AP2A2: variants seen among roughly 807,000 people sequenced by gnomAD.
AP2A2 encodes adaptor related protein complex 2 subunit alpha 2.
A neutral mutation model predicts 104.2 loss-of-function variants in AP2A2; 32 were observed. The observed-to-expected ratio is 0.31, with a 90% confidence interval of 0.23 to 0.41. AP2A2 has a LOEUF of 0.41. Ranked by LOEUF, AP2A2 falls within the 10% of genes least tolerant of loss-of-function variation. AP2A2 has a pLI of 1.00. For synonymous variants in AP2A2, 539 were observed against 533.3 expected (o/e 1.01, Z -0.15); for missense variants, 912 against 1,261.0 (o/e 0.72, Z 4.19).
chr11:966,427 G>T (rs1032017089), intron 2 of AP2A2, among the ~76,000 whole-genome samples: 3 of 152,220 alleles, frequency 2.0e-5, no homozygotes, highest in Non-Finnish European at 4.4e-5. Context: ...GAGCCTAGGA[G>T]GTTGAGGCTG....
At chr11:983,305 A>C (rs759758119) in intron 6 of AP2A2, among the ~76,000 whole-genome samples, 1 of 151,906 alleles carries the variant, frequency 6.6e-6, no homozygotes, top group African/African-American at 2.4e-5. Context: ...CATTATAGGC[A>C]TGAGACACCG....
At chr11:956,154 C>G (rs1224565669) in intron 1 of AP2A2, among the ~76,000 whole-genome samples, 1 of 152,122 alleles carries the variant, frequency 6.6e-6, no homozygotes, top group African/African-American at 2.4e-5. Flanking sequence ...AGCCCAAATA[C>G]CGTAGTGAGA....
chr11:948,337 T>C (rs1404461230), intron 1 of AP2A2: 1 of 152,218 alleles, frequency 6.6e-6, no homozygotes, highest in African/African-American at 2.4e-5. Flanking sequence ...TGTAACAAAA[T>C]ATTAGATAAC....
chr11:963,658 T>C (rs1854515620), intron 2 of AP2A2, among the ~76,000 whole-genome samples: 1 of 152,150 alleles, frequency 6.6e-6, no homozygotes, highest in South Asian at 2.1e-4. Flanking sequence ...AGACAAGATC[T>C]TGCTCTGTTG....
chr11:986,207 C>T (rs1007437792), intron 8 of AP2A2, among the ~76,000 whole-genome samples: 3 of 152,248 alleles, frequency 2.0e-5, no homozygotes, highest in Non-Finnish European at 4.4e-5. Flanking sequence ...TGTGGGCAGA[C>T]GCTCTCTACA....
chr11:956,603 A>G (rs562595096), intron 1 of AP2A2, among the ~76,000 whole-genome samples: 5 of 152,334 alleles, frequency 3.3e-5, no homozygotes, highest in African/African-American at 1.2e-4. Flanking sequence ...TTTAAGCCTC[A>G]GTTTTCACAG....
At chr11:984,007 C>G (rs184817891) in intron 6 of AP2A2, among the ~76,000 whole-genome samples, 12 of 152,298 alleles carry the variant, frequency 7.9e-5, no homozygotes, top group African/African-American at 2.9e-4. Context: ...AATGGGTTCA[C>G]TTACGGCCTA....
In AP2A2 at chr11:983,561, T is replaced by C. The variant is rs572755816; in HGVS notation, c.706-1084T>C. 4.6e-3 allele frequency among the ~76,000 whole-genome samples: 702 copies of C among 151,986 alleles called. 4 individuals carry two copies. The highest frequency in any genetic ancestry group is 0.016 in the African/African-American group (677 of 41,420). ...CCATGCCTGGCTAATTTTTTGTATT[T>C]TTTAGTAGAGATGGGGTTTCACTGT... On this transcript the variant is annotated intron_variant, in intron 6 of 21. Transcript: ENST00000448903.
intron 1 of AP2A2, among the ~76,000 whole-genome samples, chr11:951,031 G>C (rs1305674553): frequency 6.6e-6 from 1 of 151,856 alleles, no homozygotes; most frequent in Non-Finnish European, 1.5e-5. Flanking sequence ...AGCGGATGTT[G>C]CAGTGAGCCG....
intron 6 of AP2A2, among the ~76,000 whole-genome samples, chr11:983,571 GAT>G (rs1855335912): frequency 6.6e-6 from 1 of 151,822 alleles, no homozygotes; most frequent in African/African-American, 2.4e-5. Context: ...TTTTAGTAGA[GAT>G]GGGGTTTCAC....
At chr11:986,635 C>T in intron 8 of AP2A2, 150 bp from the exon 9 acceptor site, 1 of 959,138 alleles carries the variant, frequency 1.0e-6, no homozygotes, top group South Asian at 1.6e-5. Context: ...TCTGGGGAGG[C>T]CCCCGAGTTC....
At chr11:964,676 A>G (rs1197036083) in intron 2 of AP2A2, among the ~76,000 whole-genome samples, 1 of 151,932 alleles carries the variant, frequency 6.6e-6, no homozygotes, top group Non-Finnish European at 1.5e-5. Context: ...AATGTTGTGA[A>G]CAACAACAAC....
chr11:989,912 T>C (rs1251484933), intron 10 of AP2A2, among the ~76,000 whole-genome samples: 4 of 152,154 alleles, frequency 2.6e-5, no homozygotes, highest in Admixed American at 6.5e-5. Flanking sequence ...CGCTTTGTTA[T>C]TTGTTTTTTT....
intron 1 of AP2A2, among the ~76,000 whole-genome samples, chr11:927,709 C>T (rs747028967): frequency 6.9e-6 from 1 of 145,366 alleles, no homozygotes; most frequent in Non-Finnish European, 1.5e-5. Flanking sequence ...GTCCCAGCTA[C>T]TTGGGAGGCT....
At chr11:945,199 T>TA (rs1357149017) in intron 1 of AP2A2, among the ~76,000 whole-genome samples, 2 of 152,016 alleles carry the variant, frequency 1.3e-5, no homozygotes, top group African/African-American at 4.8e-5. Flanking sequence ...GGGTGACTCC[T>TA]AGCGTGGGTA....
chr11:987,036 C>T, intron 9 of AP2A2, 83 bp downstream of exon 9: 2 of 1,448,838 alleles, frequency 1.4e-6, no homozygotes, highest in African/African-American at 1.4e-5. Flanking sequence ...TACGCAGTGC[C>T]TCCTGACTCC....
At chr11:932,142 G>A (rs969326671) in intron 1 of AP2A2, among the ~76,000 whole-genome samples, 9 of 152,170 alleles carry the variant, frequency 5.9e-5, no homozygotes, top group African/African-American at 2.2e-4. Flanking sequence ...TTGTGGAGAC[G>A]TGGTTTCACC....
At chr11:950,802 G>T (rs1262537752) in intron 1 of AP2A2, among the ~76,000 whole-genome samples, 1 of 152,074 alleles carries the variant, frequency 6.6e-6, no homozygotes, top group Non-Finnish European at 1.5e-5. Context: ...AATTGATGAA[G>T]TGTTAGGGGC....
chr11:930,316 G>T (rs1853248532), intron 1 of AP2A2, among the ~76,000 whole-genome samples: 2 of 151,998 alleles, frequency 1.3e-5, no homozygotes, highest in South Asian at 4.1e-4. Context: ...GTCAAGCTCT[G>T]CCCCTCAAAG....
Sources: allele counts gnomAD v4.1 joint callset (sites outside exome capture counted in the v4.1 genomes callset), GRCh38; gene constraint gnomAD v4.1.1; transcripts MANE v1.5; gene names NCBI Gene and HGNC (gene_info 2026-07-23, HGNC 2026-07-21).